Variants in HSD17B7 observed in about 807,000 individuals in gnomAD.
The protein encoded by HSD17B7 is 3-keto-steroid reductase/17-beta-hydroxysteroid dehydrogenase 7.
In HSD17B7, 17 loss-of-function variants were observed where a neutral mutation model predicts 34.1. The observed-to-expected ratio is 0.50, with a 90% CI of 0.34 to 0.75. The LOEUF is 0.75. Among genes scored for constraint, HSD17B7 ranks in the 30% least tolerant of loss-of-function variants. HSD17B7 has a pLI of 0.01. For missense variants in HSD17B7, 296 were observed against 406.6 expected (o/e 0.73, Z 2.34); for synonymous variants, 122 against 154.6 (o/e 0.79, Z 1.56).
chr1:162,797,163 G>A (rs1648639854), intron 3 of HSD17B7: 2 of 162,294 alleles, frequency 1.2e-5, no homozygotes, highest in Admixed American at 5.8e-5. Context: ...TTATTTATAG[G>A]AATAGATCTT....
intron 2 of HSD17B7, among the ~76,000 whole-genome samples, chr1:162,793,429 C>T (rs1374694361): frequency 1.3e-5 from 2 of 150,876 alleles, no homozygotes; most frequent in African/African-American, 4.9e-5. Flanking sequence ...ACTGGGATTA[C>T]AGGCGTGAGC....
At chr1:162,796,900 T>G (rs1223571612) in intron 3 of HSD17B7, among the ~76,000 whole-genome samples, 1 of 152,164 alleles carries the variant, frequency 6.6e-6, no homozygotes, top group African/African-American at 2.4e-5. Context: ...CTCCAGGACA[T>G]TCTAAATGGT....
intron 1 of HSD17B7, among the ~76,000 whole-genome samples, chr1:162,791,153 A>G (rs1648391357): frequency 6.6e-6 from 1 of 151,986 alleles, no homozygotes; most frequent in South Asian, 2.1e-4. Flanking sequence ...TACTGTTCGT[A>G]TTTATCGTCA....
Position 162,792,779 on chromosome 1 carries a change from C to A in HSD17B7, c.156C>A (p.His52Gln). ...TCTGTGCTGCTCTGCTGGCCTCTCA[C>A]CCCACTGCTGAGGTCACCATTGTCC... is the stretch of plus-strand genomic sequence containing the variant. Reference protein sequence around the residue: ...EAVCAALLASHPTAEVTIVQV... With the variant: ...EAVCAALLASQPTAEVTIVQV... The change falls in exon 2 of 9, where the codon CAC (histidine) becomes CAA (glutamine). Residue 52 changes from histidine (H) to glutamine (Q), a missense_variant. Physicochemically the swap from His to Gln is conservative, Grantham distance 24 (BLOSUM62 0). Transcript: ENST00000254521. The A allele has an allele frequency of 6.2e-7, 1 of 1,614,194 alleles. No individual in the cohort carries two copies. The highest frequency in any genetic ancestry group is 8.5e-7 in the Non-Finnish European group (1 of 1,180,036).
intron 8 of HSD17B7, among the ~76,000 whole-genome samples, chr1:162,810,850 A>G (rs1212265141): frequency 1.3e-5 from 2 of 152,214 alleles, no homozygotes; most frequent in African/African-American, 4.8e-5. Context: ...CTCTCTGCAC[A>G]TGAAATGGGT....
intron 8 of HSD17B7, among the ~76,000 whole-genome samples, chr1:162,806,943 G>A (rs564430760): frequency 6.6e-6 from 1 of 152,184 alleles, no homozygotes; most frequent in East Asian, 1.9e-4. Context: ...ACTCTAACTT[G>A]ATTGAAGATA....
intron 8 of HSD17B7, among the ~76,000 whole-genome samples, chr1:162,806,194 G>A (rs115993066): frequency 0.013 from 1,947 of 152,224 alleles, 25 homozygotes; most frequent in Middle Eastern, 0.075. Flanking sequence ...TTTGTCATGC[G>A]TAAGGTTTGT....
intron 1 of HSD17B7, among the ~76,000 whole-genome samples, 193 bp downstream of exon 1, chr1:162,791,028 G>A (rs1217560286): frequency 1.3e-5 from 2 of 150,886 alleles, no homozygotes; most frequent in African/African-American, 4.9e-5. Flanking sequence ...TATTAAACAT[G>A]ACAGTGAAAA....
intron 4 of HSD17B7, 148 bp downstream of exon 4, chr1:162,798,064 G>A: frequency 1.5e-6 from 2 of 1,337,960 alleles, no homozygotes; most frequent in Non-Finnish European, 2.0e-6. Flanking sequence ...CTTGTTTATT[G>A]TGAGCATGGA....
chr1:162,800,022 T>G, intron 5 of HSD17B7, 85 bp downstream of exon 5: 1 of 1,098,422 alleles, frequency 9.1e-7, no homozygotes, highest in Non-Finnish European at 1.4e-6. Context: ...GGTAGCTGGC[T>G]TTCCACTAAC....
In HSD17B7 at chr1:162,796,616, G is replaced by T; in HGVS notation, c.271G>T (p.Ala91Ser). Residue 91 changes from alanine to serine, a missense_variant, in exon 3 of 9, where the codon GCT becomes TCT. Physicochemically the swap from Ala to Ser is moderately conservative, Grantham distance 99 (BLOSUM62 1). Coordinates refer to ENST00000254521, the MANE Select transcript of HSD17B7 (RefSeq NM_016371.4). The stretch of plus-strand genomic sequence containing the variant: ...GAGATTAGACTGTATATATCTAAAT[G>T]CTGGGATCATGCCTAATCCACAACT... ...FQRLDCIYLN[A>S]GIMPNPQLNI... 1.2e-6 allele frequency: 2 copies of T among 1,612,192 alleles called. No homozygotes were observed. Among genetic ancestry groups the T allele is most frequent in the Non-Finnish European group, 1.7e-6 (2 of 1,178,366 alleles).
At chr1:162,790,875 A>G in intron 1 of HSD17B7, 40 bp downstream of exon 1, 1 of 1,598,172 alleles carries the variant, frequency 6.3e-7, no homozygotes, top group Non-Finnish European at 8.5e-7. Flanking sequence ...GCAGCGGATC[A>G]GGGGTCCGAG....
chr1:162,798,229 G>A, intron 4 of HSD17B7: 1 of 303,972 alleles, frequency 3.3e-6, no homozygotes, highest in East Asian at 6.9e-5. Context: ...TGATGCATTT[G>A]TCAAAATAGA....
intron 8 of HSD17B7, among the ~76,000 whole-genome samples, chr1:162,808,058 A>G (rs1184508184): frequency 6.6e-6 from 1 of 152,118 alleles, no homozygotes; most frequent in Non-Finnish European, 1.5e-5. Context: ...TATGTCCTGA[A>G]TAGTATTGCC....
intron 2 of HSD17B7, among the ~76,000 whole-genome samples, chr1:162,793,401 G>A (rs906727206): frequency 2.0e-5 from 3 of 152,192 alleles, no homozygotes; most frequent in Non-Finnish European, 4.4e-5. Flanking sequence ...AGTACATCCT[G>A]ATGTGTGATC....
intron 2 of HSD17B7, 104 bp from the exon 3 acceptor site, chr1:162,796,481 T>G (rs567626624): frequency 1.4e-5 from 9 of 661,328 alleles, no homozygotes; most frequent in African/African-American, 1.3e-4. Context: ...TTTTTTGTCT[T>G]TCTTAGGCCT....
At chr1:162,800,563 G>GT (rs999476914) in intron 5 of HSD17B7, among the ~76,000 whole-genome samples, 3 of 152,314 alleles carry the variant, frequency 2.0e-5, no homozygotes, top group Admixed American at 2.0e-4. Context: ...TCAGGGGATG[G>GT]TGACCCTTGT....
intron 8 of HSD17B7, among the ~76,000 whole-genome samples, chr1:162,811,285 C>A (rs2102238865): frequency 6.6e-6 from 1 of 152,366 alleles, no homozygotes; most frequent in East Asian, 1.9e-4. Flanking sequence ...CCCCCACTCT[C>A]TTCTGGCTTG....
At chr1:162,805,526 C>T (rs768628574) in intron 8 of HSD17B7, 34 bp downstream of exon 8, 3 of 1,604,862 alleles carry the variant, frequency 1.9e-6, no homozygotes, top group African/African-American at 2.7e-5. Flanking sequence ...CTGATGTTTG[C>T]TGTTGGGTTG....
Sources: allele counts gnomAD v4.1 joint callset (sites outside exome capture counted in the v4.1 genomes callset), GRCh38; gene constraint gnomAD v4.1.1; transcripts MANE v1.5; gene names NCBI Gene and HGNC (gene_info 2026-07-23, HGNC 2026-07-21).